Variants in APBB2 observed in about 807,000 individuals in gnomAD.
APBB2 encodes the protein Fe65-like 1.
In APBB2, 38 loss-of-function variants were observed where a neutral mutation model predicts 82.5. The ratio of observed to expected loss-of-function variants is 0.46; its 90% CI spans 0.36 to 0.60. The LOEUF (loss-of-function observed/expected upper bound fraction) is 0.60. Among genes scored for constraint, APBB2 ranks in the 20% least tolerant of loss-of-function variants. APBB2 has a pLI of 0.00. For synonymous variants in APBB2, 341 were observed against 368.2 expected, an observed-to-expected ratio of 0.93 and a Z score of 0.85; for missense variants, 772 against 972.3, an observed-to-expected ratio of 0.79 and a Z score of 2.74.
At chr4:41,088,629 A>T (rs905821572) in intron 3 of APBB2, among the ~76,000 whole-genome samples, 1 of 152,352 alleles carries the variant, frequency 6.6e-6, no homozygotes, top group Non-Finnish European at 1.5e-5. Context: ...CTTAGATTCT[A>T]TATCTAGCTG....
At chr4:40,995,371 C>T (rs1236268758) in intron 6 of APBB2, among the ~76,000 whole-genome samples, 1 of 151,848 alleles carries the variant, frequency 6.6e-6, no homozygotes, top group African/African-American at 2.4e-5. Context: ...TAAGTCCATC[C>T]GTCAGAAATG....
At chr4:40,962,419 T>G (rs1793526829) in intron 6 of APBB2, among the ~76,000 whole-genome samples, 1 of 152,178 alleles carries the variant, frequency 6.6e-6, no homozygotes, top group Non-Finnish European at 1.5e-5. Context: ...CAGAACTATT[T>G]GGTGTCTAAA....
At chr4:41,102,760 C>T (rs746827466) in intron 2 of APBB2, among the ~76,000 whole-genome samples, 5 of 152,190 alleles carry the variant, frequency 3.3e-5, no homozygotes, top group African/African-American at 9.6e-5. Context: ...TTCTAAAGCA[C>T]GAGTTCACAA....
intron 6 of APBB2, among the ~76,000 whole-genome samples, chr4:40,948,560 A>G (rs1274814686): frequency 6.6e-6 from 1 of 151,990 alleles, no homozygotes; most frequent in Non-Finnish European, 1.5e-5. Flanking sequence ...CAGGAGTTCA[A>G]GACCACACTG....
intron 6 of APBB2, among the ~76,000 whole-genome samples, chr4:40,998,238 A>G (rs1804190961): frequency 6.6e-6 from 1 of 152,238 alleles, no homozygotes; most frequent in Non-Finnish European, 1.5e-5. Flanking sequence ...CACAGATGTA[A>G]TATTTTCATA....
chr4:41,029,555 T>A (rs1560565708), intron 5 of APBB2, among the ~76,000 whole-genome samples: 1 of 152,228 alleles, frequency 6.6e-6, no homozygotes, highest in Admixed American at 6.5e-5. Flanking sequence ...CTGTTCAATG[T>A]TTGAAGTGGA....
chr4:41,199,848 T>C (rs943066301), intron 1 of APBB2, among the ~76,000 whole-genome samples: 1 of 152,176 alleles, frequency 6.6e-6, no homozygotes, highest in African/African-American at 2.4e-5. Flanking sequence ...CAGCTATACT[T>C]TGTTCACTTC....
intron 1 of APBB2, chr4:41,193,677 ACTG>A: frequency 2.3e-6 from 1 of 433,676 alleles, no homozygotes; most frequent in Non-Finnish European, 3.1e-6. Flanking sequence ...CAGAACCACC[ACTG>A]CTGCTGTTAC....
chr4:41,200,998 A>C (rs2154076200), intron 1 of APBB2, among the ~76,000 whole-genome samples: 1 of 152,210 alleles, frequency 6.6e-6, no homozygotes, highest in South Asian at 2.1e-4. Context: ...AGTGTGCCTC[A>C]CCTTCCCCAT....
At chr4:41,116,795 T>C (rs1298065278) in intron 2 of APBB2, among the ~76,000 whole-genome samples, 1 of 152,214 alleles carries the variant, frequency 6.6e-6, no homozygotes, top group Non-Finnish European at 1.5e-5. Flanking sequence ...TTGAAAACTT[T>C]TAGAAAAGCT....
At chr4:40,995,664 T>C (rs753887993) in intron 6 of APBB2, among the ~76,000 whole-genome samples, 9 of 151,466 alleles carry the variant, frequency 5.9e-5, no homozygotes, top group Non-Finnish European at 1.3e-4. Context: ...CTCAGCCTCC[T>C]ACGTAGCTGA....
At chr4:40,937,037 C>A (rs1785550672) in intron 7 of APBB2, among the ~76,000 whole-genome samples, 1 of 152,014 alleles carries the variant, frequency 6.6e-6, no homozygotes, top group South Asian at 2.1e-4. Flanking sequence ...ATATCAAGTA[C>A]AAAATAAAAT....
At chr4:41,132,510 G>T (rs980000774) in intron 2 of APBB2, among the ~76,000 whole-genome samples, 1 of 152,190 alleles carries the variant, frequency 6.6e-6, no homozygotes, top group Admixed American at 6.5e-5. Flanking sequence ...TCAGATTCTG[G>T]AGGCTTCCAT....
chr4:40,966,886 T>C (rs930049303), intron 6 of APBB2, among the ~76,000 whole-genome samples: 9 of 152,056 alleles, frequency 5.9e-5, no homozygotes, highest in African/African-American at 1.7e-4. Flanking sequence ...AAGGGTCAGG[T>C]CCACAGTGAA....
chr4:40,851,579 C>A (rs1033346220), intron 12 of APBB2, among the ~76,000 whole-genome samples: 1 of 151,928 alleles, frequency 6.6e-6, no homozygotes, highest in Non-Finnish European at 1.5e-5. Flanking sequence ...CATAATTATT[C>A]CAACTGCTAT....
At chr4:40,886,404 C>T (rs757832172) in intron 12 of APBB2, among the ~76,000 whole-genome samples, 24 of 151,904 alleles carry the variant, frequency 1.6e-4, no homozygotes, top group East Asian at 1.9e-4. Context: ...CGCTTGAAAC[C>T]GGGGGGCAAA....
Position 40,848,054 on chromosome 4 carries a change from C to G in APBB2, c.1530-17477G>C, listed in dbSNP as rs115697562. Among the ~76,000 whole-genome samples the G allele has an allele frequency of 4.1e-3, 623 of 152,278 alleles. 4 individuals are homozygous for G. Among genetic ancestry groups the G allele is most frequent in the African/African-American group, 0.014 (561 of 41,540 alleles). On this transcript the variant is annotated intron_variant, in intron 12 of 17. Coordinates refer to ENST00000508593, the MANE Select transcript of APBB2 (RefSeq NM_004307.2). ...CTTTTGGGCTCAAGCAATCCACCCA[C>G]CTCAGCTTCTCAAAAAAGTATTTGG...
chr4:40,878,471 G>A (rs549779480), intron 12 of APBB2, among the ~76,000 whole-genome samples: 6 of 152,188 alleles, frequency 3.9e-5, no homozygotes, highest in Admixed American at 2.0e-4. Flanking sequence ...TCCCCATCAC[G>A]TTACCTGCCT....
intron 5 of APBB2, among the ~76,000 whole-genome samples, chr4:41,031,623 T>G (rs981534397): frequency 1.3e-5 from 2 of 152,102 alleles, no homozygotes; most frequent in African/African-American, 4.8e-5. Flanking sequence ...GAACAGGAAA[T>G]TTCTAGAAGT....
Sources: allele counts gnomAD v4.1 joint callset (sites outside exome capture counted in the v4.1 genomes callset), GRCh38; gene constraint gnomAD v4.1.1; transcripts MANE v1.5; gene names NCBI Gene and HGNC (gene_info 2026-07-23, HGNC 2026-07-21).